ZNF644: variants seen among roughly 807,000 people sequenced by gnomAD.
The protein encoded by ZNF644 is zinc finger protein 644, also known as zinc finger motif enhancer binding protein 2.
Under a neutral mutation model 108.0 loss-of-function variants are expected in ZNF644, and 20 were observed. That is an observed-to-expected ratio of 0.19 (90% CI 0.13 to 0.27). ZNF644 has a LOEUF of 0.27. ZNF644 is among the 10% of genes least tolerant of loss of function. The pLI, the probability that ZNF644 is intolerant of heterozygous loss-of-function variation, is 1.00. For synonymous variants in ZNF644, 542 were observed against 539.1 expected (o/e 1.01, Z -0.08); for missense variants, 1,338 against 1,548.9 (o/e 0.86, Z 2.29).
At chr1:90,982,036 T>A (rs1164225055) in intron 2 of ZNF644, among the ~76,000 whole-genome samples, 1 of 152,092 alleles carries the variant, frequency 6.6e-6, no homozygotes, top group Non-Finnish European at 1.5e-5. Context: ...CTTGATTTTC[T>A]AACATTTTAG....
intron 4 of ZNF644, among the ~76,000 whole-genome samples, chr1:90,920,997 T>C (rs558998643): frequency 2.6e-5 from 4 of 152,178 alleles, no homozygotes; most frequent in South Asian, 4.1e-4. Context: ...ATACTGCCCA[T>C]ACCTTTGGGA....
chr1:90,928,051 G>A (rs1310388541), intron 4 of ZNF644, among the ~76,000 whole-genome samples: 1 of 151,388 alleles, frequency 6.6e-6, no homozygotes, highest in Non-Finnish European at 1.5e-5. Flanking sequence ...TCACCATGTT[G>A]GCCAGGCTGG....
intron 1 of ZNF644, among the ~76,000 whole-genome samples, chr1:90,997,746 T>C (rs1307344839): frequency 6.6e-6 from 1 of 152,142 alleles, no homozygotes; most frequent in Non-Finnish European, 1.5e-5. Context: ...GGGCGAGGCA[T>C]CGCCTCACCC....
At chr1:91,011,950 C>T (rs1659992393) in intron 1 of ZNF644, among the ~76,000 whole-genome samples, 1 of 152,120 alleles carries the variant, frequency 6.6e-6, no homozygotes, top group Non-Finnish European at 1.5e-5. Flanking sequence ...GGCTATATGC[C>T]TAGAGAATAC....
chr1:90,932,183 C>T (rs1453637191), intron 4 of ZNF644, among the ~76,000 whole-genome samples: 2 of 152,076 alleles, frequency 1.3e-5, no homozygotes, highest in Admixed American at 6.5e-5. Context: ...TTTTTCTTCC[C>T]TCAAAAGGTC....
chr1:90,982,683 T>C (rs967047676), intron 1 of ZNF644, among the ~76,000 whole-genome samples: 1 of 152,074 alleles, frequency 6.6e-6, no homozygotes, highest in Non-Finnish European at 1.5e-5. Flanking sequence ...ATGGCAATAA[T>C]TAAAATAATT....
intron 4 of ZNF644, 92 bp from the exon 5 acceptor site, chr1:90,918,246 T>C: frequency 2.9e-6 from 3 of 1,045,070 alleles, no homozygotes; most frequent in Non-Finnish European, 4.4e-6. Flanking sequence ...ACAGACCATC[T>C]AAATCAGTTA....
intron 1 of ZNF644, among the ~76,000 whole-genome samples, chr1:91,006,399 ACT>A (rs547027132): frequency 6.6e-4 from 100 of 152,206 alleles, no homozygotes; most frequent in South Asian, 6.0e-3. Context: ...ACAGAGCAAG[ACT>A]CTGTCTCATA....
Position 90,937,617 on chromosome 1 carries a change from A to G in ZNF644, c.3556T>C (p.Ser1186Pro). ...TGGATCTTTTGAGGAGAAATAGCAG[A>G]ATTCCTTTCTTCTCCCATCCTTTTA... is the stretch of plus-strand genomic sequence containing the variant. ...KNKRMGEERN[S>P]AISPQKIHNQ... Residue 1186 changes from serine to proline, a missense_variant, in exon 4 of 6, where the codon TCT becomes CCT. Coordinates refer to ENST00000337393, the MANE Select transcript of ZNF644 (RefSeq NM_201269.3). 6.2e-7 allele frequency: 1 copy of G among 1,613,910 alleles called. No individual in the cohort carries two copies. Among genetic ancestry groups the G allele is most frequent in the Admixed American group, 1.7e-5 (1 of 59,998 alleles).
intron 2 of ZNF644, among the ~76,000 whole-genome samples, chr1:90,968,501 C>T (rs1028458081): frequency 6.6e-6 from 1 of 152,148 alleles, no homozygotes; most frequent in African/African-American, 2.4e-5. Flanking sequence ...AATATCACTA[C>T]TATTTCTCTG....
intron 2 of ZNF644, among the ~76,000 whole-genome samples, chr1:90,961,322 A>T (rs1430379710): frequency 6.6e-6 from 1 of 152,188 alleles, no homozygotes; most frequent in Non-Finnish European, 1.5e-5. Flanking sequence ...TAATTTACTT[A>T]ATTTATTAAC....
At chr1:90,999,267 G>C (rs1230836708) in intron 1 of ZNF644, among the ~76,000 whole-genome samples, 1 of 152,116 alleles carries the variant, frequency 6.6e-6, no homozygotes, top group Non-Finnish European at 1.5e-5. Flanking sequence ...TGAAATGAAG[G>C]AAAAATGTTA....
Position 90,938,159 on chromosome 1 carries a change from T to C in ZNF644, c.3083-69A>G, listed in dbSNP as rs1348607196. On this transcript the variant is annotated intron_variant, in intron 3 of 5. Coordinates refer to ENST00000337393, the MANE Select transcript of ZNF644 (RefSeq NM_201269.3). The surrounding 1 kb of genome is among the most constrained non-coding windows in gnomAD (Gnocchi z 4.2). ...AACTGACCACCCTAAAATGAGTTAA[T>C]TCTGAAACATAAAATTATGATTCTA... 1.9e-6 allele frequency: 3 copies of C among 1,605,714 alleles called. No homozygotes were observed. The highest frequency in any genetic ancestry group is 1.7e-6 in the Non-Finnish European group (2 of 1,174,920).
In ZNF644 at chr1:90,997,587, T is replaced by C. The variant is rs138598188; in HGVS notation, c.-17-15217A>G. Among the ~76,000 whole-genome samples, 1,367 of 151,150 alleles carry C rather than the reference T, an allele frequency of 9.0e-3. 11 individuals are homozygous for C. The highest frequency in any genetic ancestry group is 0.024 in the Middle Eastern group (7 of 288). On this transcript the variant is annotated intron_variant, in intron 1 of 5. Coordinates refer to ENST00000337393, the MANE Select transcript of ZNF644 (RefSeq NM_201269.3). ...AAAGGGGAGGGGGGCGGTTCCAAGA[T>C]GGCCGAAAAGGAACAGCTCCAGTCT...
intron 2 of ZNF644, among the ~76,000 whole-genome samples, chr1:90,969,484 C>A (rs186993730): frequency 8.5e-5 from 13 of 152,120 alleles, no homozygotes; most frequent in Admixed American, 3.3e-4. Context: ...AATATTAAAT[C>A]GAAAATTCCA....
chr1:90,966,037 C>CA (rs1654836468), intron 2 of ZNF644, among the ~76,000 whole-genome samples: 1 of 152,154 alleles, frequency 6.6e-6, no homozygotes, highest in African/African-American at 2.4e-5. Flanking sequence ...AGGCATGAGC[C>CA]ACCGCGCCTG....
Position 90,940,251 on chromosome 1 carries a change from T to C in ZNF644, c.1103A>G (p.Asp368Gly). 2 of 1,614,038 alleles carry C rather than the reference T, an allele frequency of 1.2e-6. No individual in the cohort carries two copies. The highest frequency in any genetic ancestry group is 1.7e-6 in the Non-Finnish European group (2 of 1,179,960). ...AGGTGAACTCTCTTCTCCACACTTA[T>C]CTGGGTTATAAATTAGATGTTGGAA... ...DAFQHLIYNP[D>G]KCGEESSPVH... Residue 368 changes from aspartate (D) to glycine (G), a missense_variant, in exon 3 of 6, where the codon GAT (aspartate) becomes GGT (glycine). Coordinates refer to ENST00000337393, the MANE Select transcript of ZNF644 (RefSeq NM_201269.3).
At chr1:90,967,140 T>C (rs1654985912) in intron 2 of ZNF644, among the ~76,000 whole-genome samples, 1 of 152,138 alleles carries the variant, frequency 6.6e-6, no homozygotes, top group Non-Finnish European at 1.5e-5. Flanking sequence ...CAGATTCTAC[T>C]CCCATCAGTT....
At chr1:90,978,868 A>G (rs1204638020) in intron 2 of ZNF644, among the ~76,000 whole-genome samples, 9 of 152,078 alleles carry the variant, frequency 5.9e-5, no homozygotes, top group Non-Finnish European at 1.0e-4. Context: ...AGGTCTATAT[A>G]CGGTAAGAAT....
Sources: gnomAD v4.1 joint callset for allele counts (sites outside exome capture counted in the v4.1 genomes callset) on GRCh38, gnomAD v4.1.1 for gene constraint, Gnocchi (gnomAD v3.1) non-coding constraint, MANE v1.5 for transcripts, NCBI Gene and HGNC (gene_info 2026-07-23, HGNC 2026-07-21) for gene names.